SNTG1: variants seen among roughly 807,000 people sequenced by gnomAD.
SNTG1 encodes gamma-1-syntrophin.
SNTG1 carries 39 observed loss-of-function variants against 74.7 expected under a neutral mutation model. The ratio of observed to expected loss-of-function variants is 0.52; its 90% CI spans 0.40 to 0.68. The LOEUF is 0.68. Ranked by LOEUF, SNTG1 falls within the 30% of genes least tolerant of loss-of-function variation. SNTG1 has a pLI of 0.00. For synonymous variants in SNTG1, 254 were observed against 217.1 expected (o/e 1.17, Z -1.49); for missense variants, 685 against 609.5 (o/e 1.12, Z -1.30).
chr8:50,138,719 A>T (rs1172989378), intron 1 of SNTG1, among the ~76,000 whole-genome samples: 1 of 151,396 alleles, frequency 6.6e-6, no homozygotes, highest in Non-Finnish European at 1.5e-5. Flanking sequence ...CATGCAGTTC[A>T]TACTGGCTGG....
intron 3 of SNTG1, among the ~76,000 whole-genome samples, chr8:50,398,300 A>G (rs918665727): frequency 3.9e-5 from 6 of 152,332 alleles, no homozygotes; most frequent in African/African-American, 7.2e-5. Context: ...TGCCCATCAT[A>G]CAGGGCGTTA....
Position 50,410,511 on chromosome 8 carries a change from A to AT in SNTG1, c.162+8168dup, listed in dbSNP as rs569104228. On this transcript the variant is annotated intron_variant, in intron 4 of 18. Transcript: ENST00000642720. ...CAAAGAATATATATATTCAAGGTGTATAATATGATGACTTGATAGATATAT... is the reference window on the plus strand; with the variant it reads ...CAAAGAATATATATATTCAAGGTGTATTAATATGATGACTTGATAGATATAT... Among the ~76,000 whole-genome samples the AT allele has an allele frequency of 3.3e-5, 5 of 152,362 alleles. No homozygotes were observed. The South Asian group carries it at 1.0e-3, about 32-fold the overall frequency.
chr8:50,486,165 GT>G (rs1468137316), intron 8 of SNTG1, among the ~76,000 whole-genome samples: 1 of 151,864 alleles, frequency 6.6e-6, no homozygotes, highest in East Asian at 1.9e-4. Context: ...CTTTAAAGTA[GT>G]TTTTTCCAAT....
chr8:50,661,057 A>G (rs117292417), intron 15 of SNTG1, among the ~76,000 whole-genome samples: 2,455 of 152,266 alleles, frequency 0.016, 38 homozygotes, highest in Middle Eastern at 0.037. Context: ...GCATATCACA[A>G]CAATCATTAT....
intron 17 of SNTG1, among the ~76,000 whole-genome samples, chr8:50,740,363 G>GA (rs58639766): frequency 9.6e-4 from 133 of 139,018 alleles, no homozygotes; most frequent in South Asian, 2.2e-3. Flanking sequence ...AAAAACATAT[G>GA]AAAAAAAAAA....
At chr8:50,103,730 G>A (rs184058083) in intron 1 of SNTG1, among the ~76,000 whole-genome samples, 2,226 of 152,160 alleles carry the variant, frequency 0.015, 25 homozygotes, top group Non-Finnish European at 0.023. Context: ...TTTGAGATAC[G>A]TCCCATCAAT....
chr8:49,962,550 ATTTACCTCAGATAGAGACAGT>A (rs1256551200), intron 1 of SNTG1, among the ~76,000 whole-genome samples: 2 of 151,654 alleles, frequency 1.3e-5, no homozygotes, highest in Non-Finnish European at 2.9e-5. Flanking sequence ...CTGAGTCTGT[ATTTACCTCAGATAGAGACAGT>A]AGATGCATCC....
chr8:50,503,626 T>C (rs1173696187), intron 9 of SNTG1, among the ~76,000 whole-genome samples: 2 of 152,222 alleles, frequency 1.3e-5, no homozygotes, highest in Non-Finnish European at 2.9e-5. Flanking sequence ...TATACTTAAT[T>C]TTTTATTCTG....
At chr8:50,412,338 C>G (rs1170160371) in intron 4 of SNTG1, among the ~76,000 whole-genome samples, 2 of 152,036 alleles carry the variant, frequency 1.3e-5, no homozygotes, top group Non-Finnish European at 2.9e-5. Flanking sequence ...CTGTGGGGCA[C>G]TAAAGGTGAC....
intron 4 of SNTG1, among the ~76,000 whole-genome samples, chr8:50,423,040 C>A (rs559925927): frequency 6.6e-6 from 1 of 152,104 alleles, no homozygotes; most frequent in Non-Finnish European, 1.5e-5. Flanking sequence ...AGCTGTCAAA[C>A]TTTTCTCACT....
chr8:50,603,036 G>A (rs1315387340), intron 13 of SNTG1, among the ~76,000 whole-genome samples: 7 of 150,114 alleles, frequency 4.7e-5, no homozygotes, highest in Non-Finnish European at 1.0e-4. Context: ...TAACCTTCTT[G>A]TACTTGAATG....
At chr8:50,745,906 A>G (rs1483851310) in intron 17 of SNTG1, among the ~76,000 whole-genome samples, 2 of 152,082 alleles carry the variant, frequency 1.3e-5, no homozygotes, top group Non-Finnish European at 1.5e-5. Flanking sequence ...ATGGGTACAG[A>G]GTTCCTGTTT....
intron 1 of SNTG1, among the ~76,000 whole-genome samples, chr8:50,059,133 T>G (rs994216504): frequency 1.3e-5 from 2 of 152,166 alleles, no homozygotes; most frequent in Non-Finnish European, 2.9e-5. Context: ...GCCAGTTTAT[T>G]TAGCCATTCT....
Position 50,324,017 on chromosome 8 carries a change from C to T in SNTG1, c.-27-70195C>T, listed in dbSNP as rs28615617. On this transcript the variant is annotated intron_variant, in intron 2 of 18. Coordinates refer to ENST00000642720, the MANE Select transcript of SNTG1 (RefSeq NM_018967.5). The stretch of plus-strand genomic sequence containing the variant: ...GTCACCCTAACCCACCTGCTCTAAG[C>T]CCAGCCTAGCACTAGGATTTGCCTA... Among the ~76,000 whole-genome samples, 912 of 152,278 alleles carry T rather than the reference C, an allele frequency of 6.0e-3. 7 individuals are homozygous for T. The highest frequency in any genetic ancestry group is 0.021 in the African/African-American group (853 of 41,554).
intron 8 of SNTG1, among the ~76,000 whole-genome samples, chr8:50,499,115 C>G (rs1040277227): frequency 6.6e-6 from 1 of 151,600 alleles, no homozygotes; most frequent in Non-Finnish European, 1.5e-5. Flanking sequence ...TAAATTTCCA[C>G]ATGAATTTTA....
intron 1 of SNTG1, among the ~76,000 whole-genome samples, chr8:50,069,912 T>C (rs1174879726): frequency 6.6e-6 from 1 of 152,054 alleles, no homozygotes; most frequent in Non-Finnish European, 1.5e-5. Flanking sequence ...CTGGGGCTGG[T>C]TCTGCATCTG....
At chr8:50,003,138 G>A (rs932292761) in intron 1 of SNTG1, among the ~76,000 whole-genome samples, 29 of 152,096 alleles carry the variant, frequency 1.9e-4, no homozygotes, top group Non-Finnish European at 4.0e-4. Context: ...CATTTCTTTT[G>A]GGGTGATAAA....
chr8:50,695,577 G>T (rs976288055), intron 15 of SNTG1, among the ~76,000 whole-genome samples: 1 of 151,364 alleles, frequency 6.6e-6, no homozygotes, highest in African/African-American at 2.4e-5. Flanking sequence ...AGCTTCTAGT[G>T]CGCCTATTAC....
rs189991400 is a variant in SNTG1, at chr8:50,795,583, G to A, written c.*2754G>A. The A allele has an allele frequency of 2.4e-4, 36 of 152,134 alleles. No homozygotes were observed. Among genetic ancestry groups the A allele is most frequent in the Middle Eastern group, 3.4e-3 (1 of 294 alleles). The allele number at this position is 152,134 out of a possible 1,614,324, so 9.4% of individuals were successfully genotyped here. ...TGTTTGGGTGTGTGTCTGTGTATGT[G>A]TGTGAGTGTGTAAGTGTTATCATTA... On this transcript the variant is annotated 3_prime_UTR_variant, in exon 19 of 19. Coordinates refer to ENST00000642720, the MANE Select transcript of SNTG1 (RefSeq NM_018967.5).
Sources: gnomAD v4.1 joint callset for allele counts (sites outside exome capture counted in the v4.1 genomes callset) on GRCh38, gnomAD v4.1.1 for gene constraint, MANE v1.5 for transcripts, NCBI Gene and HGNC (gene_info 2026-07-23, HGNC 2026-07-21) for gene names.